The following WDR89 variants were observed in gnomAD, a reference collection of about 807,000 sequenced individuals.
WDR89 encodes WD repeat domain 89, also known as WD repeat-containing protein 89.
In WDR89, 17 loss-of-function variants were observed where a neutral mutation model predicts 29.1. The ratio of observed to expected loss-of-function variants is 0.58; its 90% confidence interval spans 0.40 to 0.88. WDR89 has a LOEUF of 0.88. WDR89 is among the 40% of genes least tolerant of loss of function. The pLI is 0.00. For missense variants in WDR89, 396 were observed against 456.3 expected (o/e 0.87, Z 1.20); for synonymous variants, 138 against 157.8 (o/e 0.87, Z 0.94).
At chr14:63,623,842 T>C (rs749914046) in intron 2 of WDR89, among the ~76,000 whole-genome samples, 36 of 151,656 alleles carry the variant, frequency 2.4e-4, no homozygotes, top group Admixed American at 3.9e-4. Context: ...CCCAACTATA[T>C]GCTATCTGAA....
At chr14:63,601,488 G>T in intron 2 of WDR89, 3 of 1,282,272 alleles carry the variant, frequency 2.3e-6, no homozygotes, top group Non-Finnish European at 3.4e-6. Flanking sequence ...AGCAGAGTAC[G>T]AGTCTGAGGT....
intron 1 of WDR89, among the ~76,000 whole-genome samples, chr14:63,638,258 TA>T (rs1020396264): frequency 1.3e-5 from 2 of 151,786 alleles, no homozygotes; most frequent in Non-Finnish European, 2.9e-5. Context: ...AAGTAAGTTT[TA>T]AAAAAAAGTC....
chr14:63,601,085 C>T (rs1008387297), intron 2 of WDR89, among the ~76,000 whole-genome samples: 1 of 152,060 alleles, frequency 6.6e-6, no homozygotes, highest in South Asian at 2.1e-4. Context: ...AAAGATTGTC[C>T]TCTAAGCCTC....
intron 2 of WDR89, among the ~76,000 whole-genome samples, chr14:63,623,428 G>C (rs1452679149): frequency 6.6e-6 from 1 of 151,928 alleles, no homozygotes; most frequent in Non-Finnish European, 1.5e-5. Flanking sequence ...ACCTGGCCGG[G>C]CATGGTGGTT....
At chr14:63,610,970 G>C (rs1881948767) in intron 2 of WDR89, among the ~76,000 whole-genome samples, 1 of 151,710 alleles carries the variant, frequency 6.6e-6, no homozygotes, top group African/African-American at 2.4e-5. Flanking sequence ...AAAGTGCTGG[G>C]GTTATAGGCA....
chr14:63,627,217 T>C (rs2139557671), intron 1 of WDR89, among the ~76,000 whole-genome samples: 1 of 151,948 alleles, frequency 6.6e-6, no homozygotes, highest in East Asian at 1.9e-4. Context: ...ACAAGTATTC[T>C]GGTACTATAT....
chr14:63,600,203 T>C (rs574900612), intron 2 of WDR89, among the ~76,000 whole-genome samples: 2 of 152,296 alleles, frequency 1.3e-5, no homozygotes, highest in South Asian at 4.1e-4. Context: ...TCTTTAATAC[T>C]GAATTCACTA....
At chr14:63,637,556 G>GTGTGTGTGTGTATATA (rs1883815292) in intron 1 of WDR89, among the ~76,000 whole-genome samples, 2 of 151,806 alleles carry the variant, frequency 1.3e-5, no homozygotes, top group South Asian at 4.2e-4. Flanking sequence ...TGTGGTGGGT[G>GTGTGTGTGTGTATATA]TGTGTGTGTG....
At chr14:63,605,205 TACACATACACACACACACACACACAC>T (rs1895263172) in intron 2 of WDR89, among the ~76,000 whole-genome samples, 1 of 128,080 alleles carries the variant, frequency 7.8e-6, no homozygotes, top group African/African-American at 4.1e-5. Flanking sequence ...CATATATACA[TACACATACACACACACACACACACAC>T]ACACACACAC....
At chr14:63,618,363 C>T (rs1882450933) in intron 2 of WDR89, among the ~76,000 whole-genome samples, 1 of 152,060 alleles carries the variant, frequency 6.6e-6, no homozygotes, top group African/African-American at 2.4e-5. Flanking sequence ...CCATGTTGCC[C>T]AGGCTGGTCT....
chr14:63,598,800 A>T lies in WDR89; in HGVS notation c.1143T>A (p.Tyr381Ter), dbSNP rs780897713. Residue 381 changes from tyrosine to a stop codon, truncating the protein, a stop_gained, in exon 3 of 3, where the codon TAT (tyrosine) becomes TAA (stop). Transcript: ENST00000620954. LOFTEE classifies it high-confidence loss of function. The part of the protein sequence containing the change: ...QRVRVHSNDS[Y>*]KRRKKQ The stretch of plus-strand genomic sequence containing the variant: ...ATTATCACTGCTTTTTCCTTCTTTT[A>T]TAAGAATCATTACTATGAACTCGTA... The T allele has an allele frequency of 6.3e-6, 10 of 1,584,854 alleles. No homozygotes were observed. In the Admixed American group the frequency reaches 1.1e-4, roughly 18 times the overall value.
At chr14:63,612,595 A>C (rs1289261354) in intron 2 of WDR89, among the ~76,000 whole-genome samples, 1 of 151,986 alleles carries the variant, frequency 6.6e-6, no homozygotes, top group African/African-American at 2.4e-5. Context: ...GGCTAGTCTC[A>C]AACTCCTGAC....
intron 2 of WDR89, among the ~76,000 whole-genome samples, chr14:63,610,774 C>T (rs183123508): frequency 6.7e-6 from 1 of 148,796 alleles, no homozygotes; most frequent in East Asian, 2.0e-4. Flanking sequence ...GCAATCTCGG[C>T]TCACTGCAAC....
intron 1 of WDR89, among the ~76,000 whole-genome samples, chr14:63,626,380 T>C (rs1329808317): frequency 1.3e-5 from 2 of 151,886 alleles, no homozygotes; most frequent in Non-Finnish European, 2.9e-5. Context: ...TAAAAAGATG[T>C]TCAACCTCAG....
chr14:63,627,146 ACACACTCT>A lies in WDR89; in HGVS notation c.-137-2121_-137-2114del, dbSNP rs1166738497. On this transcript the variant is annotated intron_variant, in intron 1 of 2. Coordinates refer to ENST00000620954, the MANE Select transcript of WDR89 (RefSeq NM_080666.4). Reference sequence around the variant, plus strand: ...TAAACACACACACACACACACACACACACACTCTCTCTCTCTCTCTCTCTCTCTCTCTC... The same window carrying A: ...TAAACACACACACACACACACACACACTCTCTCTCTCTCTCTCTCTCTCTC... 7.8e-3 allele frequency among the ~76,000 whole-genome samples: 1,020 copies of A among 130,510 alleles called. 6 individuals are homozygous for A. The highest frequency in any genetic ancestry group is 0.03 in the African/African-American group (960 of 32,520). The allele number at this position is 130,510 out of a possible 152,430, so 85.6% of individuals were successfully genotyped here. A position where few individuals can be genotyped will look rare whatever the true frequency, so the allele number is the denominator to read the frequency against.
chr14:63,601,269 T>C (rs1275557974), intron 2 of WDR89, among the ~76,000 whole-genome samples: 1 of 151,898 alleles, frequency 6.6e-6, no homozygotes, highest in Non-Finnish European at 1.5e-5. Context: ...GTTCCCAGTA[T>C]AGAATCCTGG....
In WDR89 at chr14:63,597,949, T is replaced by G. The variant is rs1894867763; in HGVS notation, c.*830A>C. The G allele has an allele frequency of 6.6e-6, 1 of 152,098 alleles. No homozygotes were observed. Among genetic ancestry groups the G allele is most frequent in the African/African-American group, 2.4e-5 (1 of 41,492 alleles). The allele number at this position is 152,098 out of a possible 1,614,324, so 9.4% of individuals were successfully genotyped here. ...CTTCTCTAGGGTAATAGTGGTGAGG[T>G]AAAGGCAAAAGGATAGCTGACAGAC... On this transcript the variant is annotated 3_prime_UTR_variant, in exon 3 of 3. Coordinates refer to ENST00000620954, the MANE Select transcript of WDR89 (RefSeq NM_080666.4).
chr14:63,628,151 T>C (rs1213981782), intron 1 of WDR89, among the ~76,000 whole-genome samples: 2 of 152,226 alleles, frequency 1.3e-5, no homozygotes, highest in South Asian at 2.1e-4. Context: ...AGAGGGAGGA[T>C]TGCTTAAGCC....
At chr14:63,617,046 G>T (rs1595027132) in intron 2 of WDR89, among the ~76,000 whole-genome samples, 1 of 142,498 alleles carries the variant, frequency 7.0e-6, no homozygotes. Context: ...TAAATATGTT[G>T]TTGGTATATT....
Sources: allele counts gnomAD v4.1 joint callset (sites outside exome capture counted in the v4.1 genomes callset), GRCh38; gene constraint gnomAD v4.1.1; transcripts MANE v1.5; gene names NCBI Gene and HGNC (gene_info 2026-07-23, HGNC 2026-07-21).